The following CORO2B variants were observed in gnomAD, a reference collection of about 807,000 sequenced individuals.
The protein encoded by CORO2B is coronin 2B, also known as coronin-2B.
In CORO2B, 26 loss-of-function variants were observed where a neutral mutation model predicts 58.8. That is an observed-to-expected ratio of 0.44 (90% CI 0.32 to 0.61). The LOEUF (loss-of-function observed/expected upper bound fraction) is 0.61, where lower values mean the gene tolerates loss of function less well. Ranked by LOEUF, CORO2B falls within the 20% of genes least tolerant of loss-of-function variation. The pLI is 0.04. For synonymous variants in CORO2B, 242 were observed against 253.8 expected (o/e 0.95, Z 0.44); for missense variants, 460 against 645.1 (o/e 0.71, Z 3.11).
chr15:68,547,978 C>A, the CORO2B span, among the ~76,000 whole-genome samples: 75 of 152,042 alleles, frequency 4.9e-4, 1 homozygote, highest in African/African-American at 1.7e-3. Flanking sequence ...CGAGACCAAC[C>A]TGGCCAACAT....
intron 2 of CORO2B, among the ~76,000 whole-genome samples, chr15:68,689,540 C>T (rs1892304128): frequency 6.6e-6 from 1 of 152,076 alleles, no homozygotes; most frequent in African/African-American, 2.4e-5. Context: ...TTATCAATAG[C>T]CATGTGTTAG....
intron 1 of CORO2B, among the ~76,000 whole-genome samples, chr15:68,591,279 C>T (rs151327279): frequency 2.5e-3 from 380 of 152,308 alleles, no homozygotes; most frequent in African/African-American, 8.9e-3. Context: ...TAGGCAGAGG[C>T]AGATGAAGAG....
At chr15:68,653,240 T>C (rs2140279848) in intron 2 of CORO2B, among the ~76,000 whole-genome samples, 1 of 152,314 alleles carries the variant, frequency 6.6e-6, no homozygotes, top group South Asian at 2.1e-4. Context: ...GGGTATTGAA[T>C]GCCTGCTAGG....
chr15:68,664,010 T>A (rs1902101964), intron 2 of CORO2B, among the ~76,000 whole-genome samples: 1 of 152,214 alleles, frequency 6.6e-6, no homozygotes, highest in South Asian at 2.1e-4. Flanking sequence ...GCTGATAATA[T>A]CAAGTGTTGA....
At chr15:68,633,640 C>T (rs1421504478) in intron 1 of CORO2B, among the ~76,000 whole-genome samples, 1 of 152,044 alleles carries the variant, frequency 6.6e-6, no homozygotes, top group Non-Finnish European at 1.5e-5. Flanking sequence ...TCTTTATGGG[C>T]AAGTTGATTT....
At chr15:68,620,369 G>A (rs907758999) in intron 1 of CORO2B, among the ~76,000 whole-genome samples, 2 of 152,172 alleles carry the variant, frequency 1.3e-5, no homozygotes, top group African/African-American at 4.8e-5. Context: ...AACATGGTTC[G>A]GGTGATTTGT....
the CORO2B span, among the ~76,000 whole-genome samples, chr15:68,553,936 CA>C: frequency 6.6e-6 from 1 of 152,174 alleles, no homozygotes; most frequent in Non-Finnish European, 1.5e-5. Flanking sequence ...GTGGCTGAAC[CA>C]ATCTAACTGC....
chr15:68,714,363 A>C (rs1892984436), intron 6 of CORO2B, among the ~76,000 whole-genome samples, 196 bp from the exon 7 acceptor site: 1 of 152,110 alleles, frequency 6.6e-6, no homozygotes, highest in South Asian at 2.1e-4. Context: ...TCCTGTTTGT[A>C]AGACCCTTTC....
At chr15:68,557,990 G>A in the CORO2B span, among the ~76,000 whole-genome samples, 1 of 152,144 alleles carries the variant, frequency 6.6e-6, no homozygotes, top group Non-Finnish European at 1.5e-5. Flanking sequence ...GGTAAATGAA[G>A]GGCACTGGGC....
upstream of CORO2B, among the ~76,000 whole-genome samples, chr15:68,578,455 C>A (rs1899329515): frequency 6.6e-6 from 1 of 152,192 alleles, no homozygotes; most frequent in East Asian, 1.9e-4. This position sits in a 1 kb window ranked among gnomAD's most constrained non-coding sequence, Gnocchi z 4.2. Context: ...GAATTAGATT[C>A]GAAAGAGTGC....
intron 2 of CORO2B, among the ~76,000 whole-genome samples, chr15:68,661,534 G>T (rs1397077642): frequency 6.6e-6 from 1 of 152,112 alleles, no homozygotes; most frequent in Admixed American, 6.6e-5. Flanking sequence ...TCAAGACTTG[G>T]GAGTTAGCAG....
chr15:68,580,535 C>T (rs1566976957), intron 1 of CORO2B, among the ~76,000 whole-genome samples: 1 of 152,184 alleles, frequency 6.6e-6, no homozygotes, highest in East Asian at 1.9e-4. Context: ...CAACTCCAAA[C>T]TTTGCCATTG....
At chr15:68,695,851 G>C (rs893138369) in intron 3 of CORO2B, among the ~76,000 whole-genome samples, 2 of 152,106 alleles carry the variant, frequency 1.3e-5, no homozygotes, top group African/African-American at 2.4e-5. Flanking sequence ...GATCAGGGAG[G>C]AGACAGAGAG....
intron 2 of CORO2B, among the ~76,000 whole-genome samples, chr15:68,650,418 C>T (rs1901605960): frequency 6.8e-6 from 1 of 146,336 alleles, no homozygotes; most frequent in Admixed American, 6.9e-5. Flanking sequence ...GGAGACATTC[C>T]TGGCCAACAT....
chr15:68,633,468 C>T (rs1390705857), intron 1 of CORO2B, among the ~76,000 whole-genome samples: 1 of 151,182 alleles, frequency 6.6e-6, no homozygotes, highest in African/African-American at 2.4e-5. Context: ...CTGGTGAGGC[C>T]CCTTGAATTG....
the CORO2B span, among the ~76,000 whole-genome samples, chr15:68,570,803 T>G: frequency 7.1e-6 from 1 of 140,466 alleles, no homozygotes; most frequent in Non-Finnish European, 1.6e-5. Context: ...CACGTAGTTT[T>G]TTTTTTTTTT....
intron 9 of CORO2B, 59 bp downstream of exon 9, chr15:68,718,869 AC>A: frequency 7.1e-7 from 1 of 1,399,024 alleles, no homozygotes; most frequent in African/African-American, 1.4e-5. Context: ...TAGCCTGCTC[AC>A]CACTGACCAT....
At chr15:68,612,383 C>T (rs942379464) in intron 1 of CORO2B, among the ~76,000 whole-genome samples, 13 of 151,858 alleles carry the variant, frequency 8.6e-5, no homozygotes, top group African/African-American at 3.1e-4. Context: ...AGGAGGTGTG[C>T]GTGAGAAGGG....
At chr15:68,679,078 T>A (rs914185936) in intron 2 of CORO2B, among the ~76,000 whole-genome samples, 3 of 152,174 alleles carry the variant, frequency 2.0e-5, no homozygotes, top group Admixed American at 6.5e-5. Context: ...ATGAGTTCAG[T>A]AGATATTTAT....
Sources: allele counts gnomAD v4.1 joint callset (sites outside exome capture counted in the v4.1 genomes callset), GRCh38; gene constraint gnomAD v4.1.1; non-coding constraint Gnocchi (gnomAD v3.1); transcripts MANE v1.5; gene names NCBI Gene and HGNC (gene_info 2026-07-23, HGNC 2026-07-21).